Variants in USH2A observed in about 807,000 individuals in gnomAD.
The protein encoded by USH2A is usherin.
USH2A carries 443 observed loss-of-function variants against 538.9 expected under a neutral mutation model. That is an observed-to-expected ratio of 0.82 (90% CI 0.76 to 0.89). The LOEUF is 0.89. USH2A is among the 40% of genes least tolerant of loss of function. The pLI, the probability that USH2A is intolerant of heterozygous loss-of-function variation, is 0.00. For missense variants in USH2A, 6,633 were observed against 6,324.8 expected (o/e 1.05, Z -1.65); for synonymous variants, 2,413 against 2,273.5 (o/e 1.06, Z -1.75).
At chr1:215,936,260 A>G (rs1337227069) in intron 37 of USH2A, among the ~76,000 whole-genome samples, 1 of 152,076 alleles carries the variant, frequency 6.6e-6, no homozygotes, top group Non-Finnish European at 1.5e-5. Flanking sequence ...TAAAAAGTAA[A>G]AGATGGCATC....
intron 64 of USH2A, among the ~76,000 whole-genome samples, chr1:215,666,480 T>C (rs1657607973): frequency 6.6e-6 from 1 of 152,152 alleles, no homozygotes; most frequent in African/African-American, 2.4e-5. Flanking sequence ...TTCACTTATT[T>C]GGGCTGTTTA....
At chr1:215,777,184 A>G (rs1661490569) in intron 55 of USH2A, among the ~76,000 whole-genome samples, 1 of 152,210 alleles carries the variant, frequency 6.6e-6, no homozygotes. Flanking sequence ...TGCTAATAAT[A>G]GGATTTCTGG....
chr1:215,888,508 C>A lies in USH2A; in HGVS notation c.8141G>T (p.Trp2714Leu). The change falls in exon 41 of 72, where the codon TGG becomes TTG. Residue 2714 changes from tryptophan (W) to leucine (L), a missense_variant. Coordinates refer to ENST00000307340, the MANE Select transcript of USH2A (RefSeq NM_206933.4). ...TGAGGGTCTTGTGGTAACTTCTACC[C>A]AAGCACTGCTGTTTGTGCCTCCATG... ...TLHGGTNSSA[W>L]VEVTTRPSRP... 6.2e-7 allele frequency: 1 copy of A among 1,614,134 alleles called. No homozygotes were observed. The highest frequency in any genetic ancestry group is 8.5e-7 in the Non-Finnish European group (1 of 1,180,006).
intron 10 of USH2A, among the ~76,000 whole-genome samples, chr1:216,289,784 T>A (rs1003296552): frequency 6.6e-6 from 1 of 152,160 alleles, no homozygotes; most frequent in African/African-American, 2.4e-5. Flanking sequence ...TAGATGATAC[T>A]TATACAGTAA....
intron 35 of USH2A, among the ~76,000 whole-genome samples, chr1:215,978,179 T>A (rs899212102): frequency 2.6e-5 from 4 of 152,152 alleles, no homozygotes; most frequent in African/African-American, 9.7e-5. Context: ...GACAATAGGG[T>A]ACATGCTTTT....
chr1:215,850,805 T>A (rs1222030607), intron 44 of USH2A, among the ~76,000 whole-genome samples: 7 of 151,810 alleles, frequency 4.6e-5, no homozygotes, highest in Non-Finnish European at 1.0e-4. Context: ...ACAAAATGAG[T>A]CTCAACAAAT....
chr1:215,951,429 T>C (rs1201796994), intron 37 of USH2A, among the ~76,000 whole-genome samples: 3 of 152,234 alleles, frequency 2.0e-5, no homozygotes, highest in Admixed American at 6.5e-5. Context: ...CAGTTTGTTA[T>C]AATTTCTATT....
intron 32 of USH2A, among the ~76,000 whole-genome samples, chr1:216,044,782 G>A (rs1005359776): frequency 6.6e-6 from 1 of 152,210 alleles, no homozygotes; most frequent in Admixed American, 6.5e-5. Context: ...GTGTGACCTT[G>A]GGTTACTTAA....
chr1:215,877,677 A>C, intron 43 of USH2A, 81 bp downstream of exon 43: 1 of 1,594,150 alleles, frequency 6.3e-7, no homozygotes. Context: ...TCACACAATG[A>C]AGACACTGAG....
chr1:216,179,441 G>C (rs1033041918), intron 20 of USH2A, among the ~76,000 whole-genome samples: 2 of 152,038 alleles, frequency 1.3e-5, no homozygotes, highest in African/African-American at 4.8e-5. Context: ...CTAGCAATGG[G>C]ACTGTCCTTT....
intron 11 of USH2A, among the ~76,000 whole-genome samples, chr1:216,280,224 A>C (rs2036747526): frequency 2.0e-5 from 3 of 151,884 alleles, no homozygotes; most frequent in African/African-American, 7.3e-5. Context: ...AACAAGAAGG[A>C]AGTGCAGTGG....
At chr1:215,659,488 C>A (rs538330311) in intron 64 of USH2A, among the ~76,000 whole-genome samples, 1 of 152,170 alleles carries the variant, frequency 6.6e-6, no homozygotes, top group East Asian at 1.9e-4. Context: ...AGGAGAGTGA[C>A]TTTATTTGAT....
At chr1:216,336,967 G>A (rs1217565603) in intron 4 of USH2A, among the ~76,000 whole-genome samples, 1 of 151,428 alleles carries the variant, frequency 6.6e-6, no homozygotes, top group Admixed American at 6.6e-5. Context: ...AATTGATTCA[G>A]ATTTCCTTAG....
intron 37 of USH2A, among the ~76,000 whole-genome samples, chr1:215,952,801 C>A (rs1340185891): frequency 2.0e-5 from 3 of 152,166 alleles, no homozygotes; most frequent in African/African-American, 7.2e-5. Context: ...TTCTCTATGG[C>A]TGCCCTTAAC....
intron 51 of USH2A, among the ~76,000 whole-genome samples, chr1:215,787,769 C>T (rs539515136): frequency 1.2e-4 from 18 of 152,044 alleles, no homozygotes; most frequent in Non-Finnish European, 2.5e-4. Context: ...TGGGTCTGGG[C>T]GCAGTGGCTC....
chr1:216,076,941 T>C (rs540342343), intron 27 of USH2A, among the ~76,000 whole-genome samples: 2 of 152,254 alleles, frequency 1.3e-5, no homozygotes, highest in African/African-American at 4.8e-5. Flanking sequence ...CAAAGGAGCA[T>C]TGACCAATGC....
At chr1:216,211,678 T>C (rs1445367673) in intron 15 of USH2A, among the ~76,000 whole-genome samples, 1 of 152,216 alleles carries the variant, frequency 6.6e-6, no homozygotes, top group Non-Finnish European at 1.5e-5. Context: ...ATTCCAACAG[T>C]CTATATGCCT....
intron 21 of USH2A, among the ~76,000 whole-genome samples, chr1:216,123,175 A>T (rs192762697): frequency 6.6e-6 from 1 of 152,334 alleles, no homozygotes; most frequent in East Asian, 1.9e-4. Flanking sequence ...TGACTTAAAA[A>T]AATCTTTCTT....
intron 32 of USH2A, among the ~76,000 whole-genome samples, chr1:216,027,786 ATGT>A (rs142241856): frequency 0.14 from 20,562 of 152,162 alleles, 1,473 homozygotes; most frequent in Middle Eastern, 0.21. Context: ...TTTAATTGAC[ATGT>A]TGTCTCCAAG....
Sources: allele counts gnomAD v4.1 joint callset (sites outside exome capture counted in the v4.1 genomes callset), GRCh38; gene constraint gnomAD v4.1.1; transcripts MANE v1.5; gene names NCBI Gene and HGNC (gene_info 2026-07-23, HGNC 2026-07-21).